Variants in DOCK4 observed in about 807,000 individuals in gnomAD.
The protein encoded by DOCK4 is dedicator of cytokinesis 4, also known as dedicator of cytokinesis protein 4.
DOCK4 carries 97 observed loss-of-function variants against 268.1 expected under a neutral mutation model. That is an observed-to-expected ratio of 0.36 (90% CI 0.31 to 0.43). The LOEUF (loss-of-function observed/expected upper bound fraction) is 0.43. Among genes scored for constraint, DOCK4 ranks in the 20% least tolerant of loss-of-function variants. DOCK4 has a pLI of 1.00. For synonymous variants in DOCK4, 954 were observed against 887.2 expected (o/e 1.08, Z -1.34); for missense variants, 2,145 against 2,455.7 (o/e 0.87, Z 2.67).
chr7:111,877,001 G>A, intron 17 of DOCK4, 29 bp downstream of exon 17: 2 of 1,435,274 alleles, frequency 1.4e-6, no homozygotes, highest in Middle Eastern at 1.9e-4. Context: ...TTAGGTACTA[G>A]GGCTTTCAAA....
At chr7:111,865,567 C>T (rs370233314) in intron 22 of DOCK4, among the ~76,000 whole-genome samples, 3 of 152,314 alleles carry the variant, frequency 2.0e-5, no homozygotes, top group East Asian at 1.9e-4. Flanking sequence ...GACTCTAAGA[C>T]GACTCCCATG....
intron 23 of DOCK4, among the ~76,000 whole-genome samples, chr7:111,852,331 A>G (rs940972312): frequency 6.6e-6 from 1 of 152,186 alleles, no homozygotes; most frequent in African/African-American, 2.4e-5. Context: ...CCTCAGGTTT[A>G]GCATCAAAAC....
At chr7:111,786,596 G>T (rs1160414731) in intron 32 of DOCK4, among the ~76,000 whole-genome samples, 1 of 152,140 alleles carries the variant, frequency 6.6e-6, no homozygotes, top group Non-Finnish European at 1.5e-5. Flanking sequence ...TTACTCCAAG[G>T]GGTCCATTTT....
At chr7:111,744,506 G>A (rs532233290) in intron 44 of DOCK4, among the ~76,000 whole-genome samples, 1 of 152,208 alleles carries the variant, frequency 6.6e-6, no homozygotes, top group South Asian at 2.1e-4. Flanking sequence ...AAGGTTTCAG[G>A]AACATAAGCA....
intron 1 of DOCK4, among the ~76,000 whole-genome samples, chr7:112,073,532 A>C (rs556077083): frequency 6.6e-6 from 1 of 152,310 alleles, no homozygotes; most frequent in East Asian, 1.9e-4. Flanking sequence ...TGGCTGAATA[A>C]TATTTCATTG....
In DOCK4 at chr7:112,087,048, G is replaced by A. The variant is rs139124576; in HGVS notation, c.38-82917C>T. ...TGAGATAACCCTCAGGAGTCTCAGA[G>A]TTCTATATTTTGTGGTGCAGACAGG... On this transcript the variant is annotated intron_variant, in intron 1 of 52. Transcript: ENST00000428084. Among the ~76,000 whole-genome samples the A allele has an allele frequency of 4.6e-3, 694 of 152,054 alleles. 2 individuals carry two copies. The highest frequency in any genetic ancestry group is 0.031 in the Middle Eastern group (9 of 294).
chr7:111,837,967 TCC>T (rs2134043977), intron 25 of DOCK4, among the ~76,000 whole-genome samples: 1 of 151,466 alleles, frequency 6.6e-6, no homozygotes, highest in Non-Finnish European at 1.5e-5. Flanking sequence ...AAGCCTGTAA[TCC>T]CAGCTACTTG....
chr7:112,118,421 T>A (rs981938208), intron 1 of DOCK4, among the ~76,000 whole-genome samples: 11 of 152,112 alleles, frequency 7.2e-5, no homozygotes, highest in African/African-American at 2.7e-4. Context: ...GAAGTAAGAT[T>A]TCAGAGTAAT....
chr7:111,769,809 C>T, intron 36 of DOCK4, 132 bp from the exon 37 acceptor site: 1 of 1,075,280 alleles, frequency 9.3e-7, no homozygotes, highest in Non-Finnish European at 1.3e-6. Context: ...AGAAAAATAT[C>T]CAGAATATAT....
intron 8 of DOCK4, among the ~76,000 whole-genome samples, chr7:111,964,211 T>C (rs1797193332): frequency 7.6e-6 from 1 of 131,350 alleles, no homozygotes; most frequent in South Asian, 2.3e-4. Flanking sequence ...GGATGGAGAA[T>C]GATTTTGACG....
chr7:111,754,771 T>C (rs1796909983), intron 42 of DOCK4, among the ~76,000 whole-genome samples: 1 of 152,170 alleles, frequency 6.6e-6, no homozygotes, highest in African/African-American at 2.4e-5. Context: ...GGCCTGGAGC[T>C]GGGGTCACAT....
intron 26 of DOCK4, among the ~76,000 whole-genome samples, chr7:111,826,252 T>G (rs1802378377): frequency 6.6e-6 from 1 of 152,174 alleles, no homozygotes; most frequent in Non-Finnish European, 1.5e-5. Flanking sequence ...TTGCCTGGAC[T>G]GCAAGGAGCA....
intron 38 of DOCK4, among the ~76,000 whole-genome samples, chr7:111,766,570 T>C (rs564592933): frequency 3.3e-5 from 5 of 152,288 alleles, no homozygotes; most frequent in Admixed American, 1.3e-4. Context: ...TACTGAAACG[T>C]TGATCTAAGT....
chr7:111,928,134 ATGTT>A (rs1793886258), intron 12 of DOCK4, among the ~76,000 whole-genome samples: 1 of 152,216 alleles, frequency 6.6e-6, no homozygotes, highest in South Asian at 2.1e-4. Context: ...GAACTTAAAT[ATGTT>A]TGTTTGTATA....
intron 1 of DOCK4, among the ~76,000 whole-genome samples, chr7:112,039,374 G>GGC (rs1554423503): frequency 1.4e-5 from 1 of 72,910 alleles, no homozygotes; most frequent in Non-Finnish European, 2.9e-5. Flanking sequence ...GATTTCATAT[G>GGC]GGGGGGGGGG....
chr7:112,153,206 T>C (rs189299076), intron 1 of DOCK4, among the ~76,000 whole-genome samples: 56 of 152,328 alleles, frequency 3.7e-4, no homozygotes, highest in Non-Finnish European at 5.9e-4. Flanking sequence ...AGTAATTCTC[T>C]TTATGACAAA....
intron 6 of DOCK4, among the ~76,000 whole-genome samples, chr7:111,986,273 G>A (rs1020303633): frequency 2.6e-5 from 4 of 152,190 alleles, no homozygotes; most frequent in East Asian, 3.9e-4. Context: ...GATAAGATAC[G>A]TGAAGACAGG....
chr7:112,042,519 A>G (rs962482816), intron 1 of DOCK4, among the ~76,000 whole-genome samples: 1 of 152,004 alleles, frequency 6.6e-6, no homozygotes, highest in Non-Finnish European at 1.5e-5. Context: ...GCTGAGTAGA[A>G]GTTCCATGAA....
intron 27 of DOCK4, among the ~76,000 whole-genome samples, chr7:111,815,959 C>A (rs1257729704): frequency 6.6e-6 from 1 of 152,112 alleles, no homozygotes; most frequent in Non-Finnish European, 1.5e-5. Flanking sequence ...CTGATTACTG[C>A]CACAGCAAGG....
Sources: allele counts gnomAD v4.1 joint callset (sites outside exome capture counted in the v4.1 genomes callset), GRCh38; gene constraint gnomAD v4.1.1; transcripts MANE v1.5; gene names NCBI Gene and HGNC (gene_info 2026-07-23, HGNC 2026-07-21).